The following RHBDL2 variants were observed in gnomAD, a reference collection of about 807,000 sequenced individuals.
RHBDL2 encodes rhomboid-related protein 2.
RHBDL2 carries 26 observed loss-of-function variants against 31.7 expected under a neutral mutation model. The ratio of observed to expected loss-of-function variants is 0.82; its 90% CI spans 0.60 to 1.14. The LOEUF is 1.14. Ranked by LOEUF, RHBDL2 falls within the 50% of genes most tolerant of loss-of-function variation. The pLI is 0.00. For missense variants in RHBDL2, 336 were observed against 364.4 expected, an observed-to-expected ratio of 0.92 and a Z score of 0.63; for synonymous variants, 123 against 127.2, an observed-to-expected ratio of 0.97 and a Z score of 0.22.
chr1:38,925,403 C>T (rs556899804), intron 1 of RHBDL2, among the ~76,000 whole-genome samples: 2 of 151,952 alleles, frequency 1.3e-5, no homozygotes, highest in South Asian at 2.1e-4. Flanking sequence ...GAGGCTGAGA[C>T]AGGAGAATCT....
chr1:38,912,910 A>ATATATATG (rs1399583863), intron 3 of RHBDL2, among the ~76,000 whole-genome samples: 7 of 41,374 alleles, frequency 1.7e-4, no homozygotes, highest in African/African-American at 6.4e-4. Context: ...ATATATATAT[A>ATATATATG]TGTGTGTGTG....
chr1:38,912,454 G>A (rs1643162050), intron 3 of RHBDL2, among the ~76,000 whole-genome samples: 1 of 151,286 alleles, frequency 6.6e-6, no homozygotes, highest in South Asian at 2.1e-4. Flanking sequence ...ACCCAAGCTA[G>A]AGTGCAGTGT....
chr1:38,899,338 G>T (rs182086162), intron 4 of RHBDL2, among the ~76,000 whole-genome samples: 1 of 152,320 alleles, frequency 6.6e-6, no homozygotes, highest in East Asian at 1.9e-4. Context: ...CAAAGGTGGG[G>T]CAGACCTTGG....
Position 38,886,485 on chromosome 1 carries a change from G to C in RHBDL2, c.*19C>G. ...CTCCAGATGGCTCTTTTTATTAATTGACTTACAATAGGGGCAGGTCAGTTT... is the reference window on the plus strand; with the variant it reads ...CTCCAGATGGCTCTTTTTATTAATTCACTTACAATAGGGGCAGGTCAGTTT... On this transcript the variant is annotated 3_prime_UTR_variant, in exon 8 of 8. Coordinates refer to ENST00000372990, the MANE Select transcript of RHBDL2 (RefSeq NM_017821.5). The C allele has an allele frequency of 2.8e-6, 4 of 1,453,960 alleles. No homozygotes were observed. Among genetic ancestry groups the C allele is most frequent in the Non-Finnish European group, 3.7e-6 (4 of 1,088,282 alleles). 90.1% of individuals were successfully genotyped at this position (1,453,960 alleles called of 1,614,324 possible). A position where few individuals can be genotyped will look rare whatever the true frequency, so the allele number is the denominator to read the frequency against.
intron 4 of RHBDL2, among the ~76,000 whole-genome samples, chr1:38,909,762 T>C (rs980355363): frequency 1.1e-4 from 16 of 151,658 alleles, no homozygotes; most frequent in African/African-American, 3.9e-4. Context: ...AATTAATGAA[T>C]TAAATTAAAT....
intron 4 of RHBDL2, among the ~76,000 whole-genome samples, chr1:38,898,141 G>GA (rs750256561): frequency 9.9e-5 from 15 of 151,360 alleles, no homozygotes; most frequent in South Asian, 4.2e-4. Flanking sequence ...CAAAAAAATT[G>GA]AAAAAAAATA....
At chr1:38,925,821 G>T in intron 1 of RHBDL2, 3 of 416,584 alleles carry the variant, frequency 7.2e-6, no homozygotes, top group Non-Finnish European at 1.1e-5. Flanking sequence ...ATCACTGCAT[G>T]CAAACTACAT....
intron 6 of RHBDL2, among the ~76,000 whole-genome samples, chr1:38,889,003 T>C (rs530837640): frequency 6.6e-4 from 101 of 152,234 alleles, no homozygotes; most frequent in Admixed American, 1.1e-3. Flanking sequence ...ACAGATTATG[T>C]AGGGTCTATA....
chr1:38,898,023 T>C (rs1642942460), intron 4 of RHBDL2, among the ~76,000 whole-genome samples: 2 of 151,932 alleles, frequency 1.3e-5, no homozygotes, highest in South Asian at 4.2e-4. Context: ...CCCAGCTATT[T>C]GGGAGGCTGA....
chr1:38,923,612 AT>A (rs1308268739), intron 1 of RHBDL2, among the ~76,000 whole-genome samples: 4 of 152,330 alleles, frequency 2.6e-5, no homozygotes, highest in African/African-American at 9.6e-5. Flanking sequence ...GATTACCAGA[AT>A]TTTTGGAAGC....
At chr1:38,903,669 T>G (rs1053401273) in intron 4 of RHBDL2, among the ~76,000 whole-genome samples, 1 of 152,160 alleles carries the variant, frequency 6.6e-6, no homozygotes, top group African/African-American at 2.4e-5. Flanking sequence ...ATCTATAGAT[T>G]CAATGCAATC....
At chr1:38,903,745 G>A (rs1643025310) in intron 4 of RHBDL2, among the ~76,000 whole-genome samples, 1 of 152,084 alleles carries the variant, frequency 6.6e-6, no homozygotes, top group South Asian at 2.1e-4. Flanking sequence ...AAAGGATTTA[G>A]AATAGCCAAA....
intron 1 of RHBDL2, among the ~76,000 whole-genome samples, chr1:38,939,050 C>T (rs1643537127): frequency 6.6e-6 from 1 of 152,078 alleles, no homozygotes; most frequent in South Asian, 2.1e-4. Context: ...GCTTATGATC[C>T]CTGCCCTCTT....
intron 3 of RHBDL2, among the ~76,000 whole-genome samples, 198 bp from the exon 4 acceptor site, chr1:38,911,632 G>T (rs996366152): frequency 3.9e-5 from 5 of 128,136 alleles, no homozygotes; most frequent in African/African-American, 1.4e-4. Flanking sequence ...GTGTGTGTGT[G>T]TGTGTGTGTG....
At chr1:38,919,361 G>A in intron 1 of RHBDL2, 24 bp from the exon 2 acceptor site, 11 of 1,542,740 alleles carry the variant, frequency 7.1e-6, no homozygotes, top group Non-Finnish European at 7.0e-6. Flanking sequence ...GAAGACAGCT[G>A]AAGATGATCA....
intron 4 of RHBDL2, among the ~76,000 whole-genome samples, chr1:38,905,502 C>T (rs951983693): frequency 6.6e-6 from 1 of 151,750 alleles, no homozygotes; most frequent in Non-Finnish European, 1.5e-5. Context: ...GTAATCCCAG[C>T]ACTTTGGGAG....
At chr1:38,914,757 C>T (rs1035695568) in intron 3 of RHBDL2, among the ~76,000 whole-genome samples, 8 of 151,806 alleles carry the variant, frequency 5.3e-5, no homozygotes, top group African/African-American at 1.9e-4. Flanking sequence ...CTTAAGGGCA[C>T]AGTGGCTCAC....
At chr1:38,932,920 G>T (rs547114429) in intron 1 of RHBDL2, among the ~76,000 whole-genome samples, 1 of 152,168 alleles carries the variant, frequency 6.6e-6, no homozygotes, top group Admixed American at 6.5e-5. Flanking sequence ...GATTACTGAT[G>T]TCTGACCCGA....
intron 4 of RHBDL2, among the ~76,000 whole-genome samples, chr1:38,899,713 G>C (rs1163198515): frequency 6.6e-6 from 1 of 152,212 alleles, no homozygotes; most frequent in Non-Finnish European, 1.5e-5. Context: ...TGGAGTGATT[G>C]CCTTTGAAAA....
Sources: allele counts gnomAD v4.1 joint callset (sites outside exome capture counted in the v4.1 genomes callset), GRCh38; gene constraint gnomAD v4.1.1; transcripts MANE v1.5; gene names NCBI Gene and HGNC (gene_info 2026-07-23, HGNC 2026-07-21).